The following LITAF variants were observed in gnomAD, a reference collection of about 807,000 sequenced individuals.
LITAF encodes lipopolysaccharide-induced tumor necrosis factor-alpha factor.
In LITAF, 9 loss-of-function variants were observed where a neutral mutation model predicts 14.5. The observed-to-expected ratio is 0.62, with a 90% CI of 0.37 to 1.08. The LOEUF is 1.08. Ranked by LOEUF, LITAF falls within the 50% of genes least tolerant of loss-of-function variation. LITAF has a pLI of 0.01. For synonymous variants in LITAF, 98 were observed against 88.2 expected (o/e 1.11, Z -0.62); for missense variants, 206 against 213.4 (o/e 0.97, Z 0.22).
chr16:11,611,839 ATT>A (rs2064983847), intron 3 of LITAF, among the ~76,000 whole-genome samples: 1 of 151,550 alleles, frequency 6.6e-6, no homozygotes, highest in South Asian at 2.1e-4. Flanking sequence ...GTTTTTTTGT[ATT>A]TTTAGTAGAA....
rs758883163 is a variant in LITAF, at chr16:11,555,308, C to T, written c.220+1203G>A. 1.1e-3 allele frequency among the ~76,000 whole-genome samples: 167 copies of T among 152,252 alleles called. 1 individual carries two copies. The highest frequency in any genetic ancestry group is 6.5e-4 in the Non-Finnish European group (44 of 68,018). On this transcript the variant is annotated intron_variant, in intron 2 of 3. Coordinates refer to ENST00000622633, the MANE Select transcript of LITAF (RefSeq NM_001136472.2). ...CCTCCTCAGTAGCTAGGATTACAGG[C>T]GCAAGCCACCACACCCTGTTCATAC...
intron 1 of LITAF, among the ~76,000 whole-genome samples, chr16:11,562,464 C>T (rs1459235388): frequency 6.6e-6 from 1 of 152,076 alleles, no homozygotes; most frequent in Non-Finnish European, 1.5e-5. Flanking sequence ...GGAGGCATTC[C>T]TGATCCATGG....
upstream of LITAF, among the ~76,000 whole-genome samples, chr16:11,639,622 A>T (rs116632864): frequency 2.5e-3 from 61 of 24,038 alleles, no homozygotes; most frequent in South Asian, 7.0e-3. Context: ...AGATTTTTAA[A>T]AAAAAAAAAG....
rs1283411984 is a variant in LITAF at position 11,556,844 on chromosome 16, G to A, written c.-5-109C>T. The stretch of plus-strand genomic sequence containing the variant: ...TGGCAAACAGAAATTCTGAGAAAAT[G>A]ACTTCCATCCAGCTTTGTCCAAAAG... On this transcript the variant is annotated intron_variant, in intron 1 of 3. Coordinates refer to ENST00000622633, the MANE Select transcript of LITAF (RefSeq NM_001136472.2). The A allele has an allele frequency of 4.2e-6, 4 of 955,722 alleles. No individual in the cohort carries two copies. The East Asian group carries it at 1.0e-4, about 25-fold the overall frequency. 59.2% of individuals were successfully genotyped at this position (955,722 alleles called of 1,614,324 possible). A position where few individuals can be genotyped will look rare whatever the true frequency, so the allele number is the denominator to read the frequency against.
At chr16:11,618,381 C>T (rs183096747) in intron 3 of LITAF, among the ~76,000 whole-genome samples, 1 of 152,136 alleles carries the variant, frequency 6.6e-6, no homozygotes, top group African/African-American at 2.4e-5. Flanking sequence ...TAGGGGTAGC[C>T]TGGGGACGCC....
rs181102232 is a variant in LITAF, at chr16:11,616,961, T to C, written c.85+16572A>G. Among the ~76,000 whole-genome samples the C allele has an allele frequency of 1.2e-3, 187 of 149,630 alleles. 1 individual carries two copies. The highest frequency in any genetic ancestry group is 4.0e-3 in the Admixed American group (60 of 15,040). On this transcript the variant is annotated intron_variant, in intron 3 of 3. Coordinates refer to the LITAF transcript ENST00000574848. ...CCAGCAGGGCGCAGTGGCTCACATC[T>C]GTAATCCCAACACTTTGGGAGGCCG...
intron 1 of LITAF, among the ~76,000 whole-genome samples, chr16:11,568,829 G>T (rs541598298): frequency 6.6e-6 from 1 of 151,920 alleles, no homozygotes; most frequent in Non-Finnish European, 1.5e-5. Context: ...ACAGGCATGC[G>T]CCACCAAGCC....
rs370168947 is a variant in LITAF, at chr16:11,549,516, T to C, written c.*121A>G. 21 of 749,220 alleles carry C rather than the reference T, an allele frequency of 2.8e-5. No homozygotes were observed. Among genetic ancestry groups the C allele is most frequent in the African/African-American group, 2.3e-4 (13 of 57,724 alleles). 46.4% of individuals were successfully genotyped at this position (749,220 alleles called of 1,614,324 possible). On this transcript the variant is annotated 3_prime_UTR_variant, in exon 4 of 4. Transcript: ENST00000622633. The surrounding 1 kb of genome is among the most constrained non-coding windows in gnomAD (Gnocchi z 4.6). ...GACGTATTCCCCCCAAAAGAAGACA[T>C]GAAGGTGGGCCCCCTGGAGAGGTGA... is the stretch of plus-strand genomic sequence containing the variant.
chr16:11,584,622 C>T (rs1482808741), intron 1 of LITAF, among the ~76,000 whole-genome samples: 1 of 152,070 alleles, frequency 6.6e-6, no homozygotes, highest in African/African-American at 2.4e-5. Flanking sequence ...GTGCTCAGGC[C>T]TCAGTTTTTC....
At chr16:11,609,752 G>T (rs1359958722) in intron 3 of LITAF, among the ~76,000 whole-genome samples, 1 of 152,090 alleles carries the variant, frequency 6.6e-6, no homozygotes, top group Non-Finnish European at 1.5e-5. Flanking sequence ...TTTGTCCCTG[G>T]CATGCCTCCT....
intron 3 of LITAF, among the ~76,000 whole-genome samples, chr16:11,613,410 G>A (rs1336388394): frequency 5.3e-5 from 8 of 152,222 alleles, no homozygotes; most frequent in Admixed American, 3.9e-4. Flanking sequence ...CAGGTCCCAG[G>A]GCTGCCTTCT....
At chr16:11,628,229 A>G (rs576819080) in intron 3 of LITAF, among the ~76,000 whole-genome samples, 42 of 152,078 alleles carry the variant, frequency 2.8e-4, no homozygotes, top group Non-Finnish European at 5.6e-4. Context: ...CCCAGCCCCA[A>G]CCAGCCCTGA....
At chr16:11,633,823 C>A (rs1004882776) in intron 2 of LITAF, among the ~76,000 whole-genome samples, 2 of 152,158 alleles carry the variant, frequency 1.3e-5, no homozygotes, top group African/African-American at 4.8e-5. Context: ...GCCCTGAATT[C>A]TTTCTTGCAC....
chr16:11,614,608 G>GTT (rs1310209699), intron 3 of LITAF, among the ~76,000 whole-genome samples: 2 of 147,986 alleles, frequency 1.4e-5, no homozygotes, highest in Non-Finnish European at 3.0e-5. Context: ...GCTTTTTCTG[G>GTT]TTTTTTTTTA....
chr16:11,562,206 C>A (rs1375287630), intron 1 of LITAF, among the ~76,000 whole-genome samples: 3 of 151,328 alleles, frequency 2.0e-5, no homozygotes, highest in Non-Finnish European at 4.4e-5. Context: ...CAGGCATGAG[C>A]CACCGTGCCC....
At chr16:11,567,646 C>T (rs980515391) in intron 1 of LITAF, among the ~76,000 whole-genome samples, 1 of 152,066 alleles carries the variant, frequency 6.6e-6, no homozygotes, top group African/African-American at 2.4e-5. Flanking sequence ...TTGTTTGGGC[C>T]AGCATCCATT....
At chr16:11,640,181 G>C (rs747339037), upstream of LITAF, among the ~76,000 whole-genome samples, 2 of 152,180 alleles carry the variant, frequency 1.3e-5, no homozygotes, top group Non-Finnish European at 2.9e-5. Flanking sequence ...GGCTGGATCC[G>C]CAGGGCTGAG....
At chr16:11,639,244 A>T (rs1349933329), upstream of LITAF, among the ~76,000 whole-genome samples, 1 of 150,204 alleles carries the variant, frequency 6.7e-6, no homozygotes, top group African/African-American at 2.5e-5. Flanking sequence ...TGGATGGATA[A>T]ATGGTTAGAG....
rs1353682090 is a variant in LITAF at position 11,634,388 on chromosome 16, A to G, written c.-20-751T>C. ...AAACTCAACCGCCTTTGTGAAGGTA[A>G]CAAAAGGCCACCAGGTTACGAAGCT... is the stretch of plus-strand genomic sequence containing the variant. On this transcript the variant is annotated intron_variant, in intron 2 of 3. Transcript: ENST00000574848. The surrounding 1 kb of genome is among the most constrained non-coding windows in gnomAD (Gnocchi z 4.1). Among the ~76,000 whole-genome samples the G allele has an allele frequency of 6.6e-6, 1 of 152,190 alleles. No homozygotes were observed. The highest frequency in any genetic ancestry group is 1.5e-5 in the Non-Finnish European group (1 of 68,034).
Sources: gnomAD v4.1 joint callset for allele counts (sites outside exome capture counted in the v4.1 genomes callset) on GRCh38, gnomAD v4.1.1 for gene constraint, Gnocchi (gnomAD v3.1) non-coding constraint, MANE v1.5 for transcripts, NCBI Gene and HGNC (gene_info 2026-07-23, HGNC 2026-07-21) for gene names.